The following ATG16L2 variants were observed in gnomAD, a reference collection of about 807,000 sequenced individuals.
ATG16L2 encodes autophagy related 16 like 2, also known as protein Atg16l2.
A neutral mutation model predicts 84.7 loss-of-function variants in ATG16L2; 77 were observed. That is an observed-to-expected ratio of 0.91 (90% confidence interval 0.76 to 1.10). The LOEUF is 1.10. ATG16L2 is among the 50% of genes least tolerant of loss of function. The pLI, the probability that ATG16L2 is intolerant of heterozygous loss-of-function variation, is 0.00. For synonymous variants in ATG16L2, 361 were observed against 342.8 expected (o/e 1.05, Z -0.59); for missense variants, 782 against 817.6 (o/e 0.96, Z 0.53).
intron 3 of ATG16L2, chr11:72,818,076 G>C: frequency 9.0e-6 from 5 of 556,766 alleles, no homozygotes; most frequent in Non-Finnish European, 1.6e-5. Context: ...GAGGGAGTTA[G>C]GTGTGCAAGG....
Position 72,824,080 on chromosome 11 carries a change from T to C in ATG16L2, c.845T>C (p.Leu282Pro). ...RPFRSASATSLTLSHCVDVVK... is the reference protein window; with the variant it reads ...RPFRSASATSPTLSHCVDVVK... The stretch of plus-strand genomic sequence containing the variant: ...CTCAGGTCTGCCTCAGCCACCTCCC[T>C]GACGCTGTCCCACTGTGTGGATGTG... The change falls in exon 8 of 18, where the codon CTG becomes CCG. Residue 282 changes from leucine (L) to proline (P), a missense_variant. Physicochemically the swap from Leu to Pro is moderately conservative, Grantham distance 98 (BLOSUM62 -3). Transcript: ENST00000321297. 2 of 1,614,230 alleles carry C rather than the reference T, an allele frequency of 1.2e-6. No homozygotes were observed. The highest frequency in any genetic ancestry group is 2.2e-5 in the East Asian group (1 of 44,888).
At chr11:72,842,492 GAC>G in intron 5 of ATG16L2, 1 of 1,101,942 alleles carries the variant, frequency 9.1e-7, no homozygotes, top group Non-Finnish European at 1.3e-6. Flanking sequence ...CAGTTGTGCA[GAC>G]ACTGGCAACC....
chr11:72,835,891 G>C (rs937326911), intron 5 of ATG16L2, among the ~76,000 whole-genome samples: 2 of 152,040 alleles, frequency 1.3e-5, no homozygotes, highest in Non-Finnish European at 2.9e-5. Flanking sequence ...TGGGATTACA[G>C]GCATGAGCTA....
chr11:72,841,340 C>CAAAAAAAAAAAAA (rs59748827), intron 5 of ATG16L2: 2 of 373,862 alleles, frequency 5.3e-6, no homozygotes, highest in Non-Finnish European at 4.1e-6. Context: ...ACTCTGTCTC[C>CAAAAAAAAAAAAA]AAAAAAAAAA....
intron 5 of ATG16L2, chr11:72,841,595 G>A (rs776933053): frequency 1.9e-6 from 3 of 1,592,822 alleles, no homozygotes; most frequent in East Asian, 2.2e-5. Context: ...TGCAGCAAAG[G>A]GAAGCGAGGT....
intron 5 of ATG16L2, among the ~76,000 whole-genome samples, chr11:72,835,124 G>A (rs567402996): frequency 6.6e-6 from 1 of 152,320 alleles, no homozygotes; most frequent in African/African-American, 2.4e-5. Flanking sequence ...TAGCTATGAC[G>A]CTGGGGTGAG....
chr11:72,821,308 C>CGAG (rs1429813378), intron 3 of ATG16L2: 4 of 1,046,104 alleles, frequency 3.8e-6, no homozygotes, highest in Non-Finnish European at 4.6e-6. Flanking sequence ...AGCCTCTGCG[C>CGAG]GAGGAGTCCT....
At chr11:72,828,852 C>T (rs762638642) in intron 16 of ATG16L2, 31 bp from the exon 17 acceptor site, 1 of 1,614,032 alleles carries the variant, frequency 6.2e-7, no homozygotes, top group Non-Finnish European at 8.5e-7. Context: ...CTCTGACCCC[C>T]CGTTTTCTTG....
intron 5 of ATG16L2, chr11:72,836,704 T>C (rs1158632872): frequency 6.6e-6 from 1 of 152,634 alleles, no homozygotes. Context: ...TTTGGAAAGG[T>C]CTGTTTACCC....
At chr11:72,819,487 A>C (rs1046172547) in intron 3 of ATG16L2, among the ~76,000 whole-genome samples, 1 of 152,226 alleles carries the variant, frequency 6.6e-6, no homozygotes, top group Non-Finnish European at 1.5e-5. Context: ...TAGAAGCCAT[A>C]GAGTAAAAAG....
intron 8 of ATG16L2, 23 bp from the exon 9 acceptor site, chr11:72,824,711 G>GACCCCAACCCACCTT: frequency 6.3e-7 from 1 of 1,599,054 alleles, no homozygotes. Flanking sequence ...ATGCCCTCCT[G>GACCCCAACCCACCTT]ACCCCAACCC....
At chr11:72,832,582 C>T (rs898973992), downstream of ATG16L2, among the ~76,000 whole-genome samples, 1 of 152,240 alleles carries the variant, frequency 6.6e-6, no homozygotes, top group Non-Finnish European at 1.5e-5. Context: ...TTGACAGCTC[C>T]TCCAGGCTCT....
chr11:72,814,522 A>G lies in ATG16L2; in HGVS notation c.77A>G (p.Asp26Gly). Residue 26 changes from aspartate to glycine, a missense_variant, in exon 1 of 18, where the codon GAC (aspartate) becomes GGC (glycine). Coordinates refer to ENST00000321297, the MANE Select transcript of ATG16L2 (RefSeq NM_033388.2). ...RHIVRQLRLR[D>G]RTQKALFLEL... ...ATCGTGCGGCAGCTGCGGCTTCGGG[A>G]CCGTACGCAAAAGGCGCTTTTCCTG... 6.4e-7 allele frequency: 1 copy of G among 1,566,254 alleles called. No homozygotes were observed. The highest frequency in any genetic ancestry group is 1.8e-5 in the Admixed American group (1 of 54,132).
chr11:72,826,466 A>C, intron 11 of ATG16L2, 52 bp from the exon 12 acceptor site: 1 of 1,608,240 alleles, frequency 6.2e-7, no homozygotes, highest in South Asian at 1.1e-5. Context: ...CTGTGGCCCG[A>C]AGAATGTTGC....
intron 1 of ATG16L2, among the ~76,000 whole-genome samples, chr11:72,814,843 C>CA (rs1859612242): frequency 6.6e-6 from 1 of 152,200 alleles, no homozygotes; most frequent in African/African-American, 2.4e-5. Flanking sequence ...AGTGCGTCCT[C>CA]GGGTGTTGGT....
chr11:72,822,595 C>T lies in ATG16L2; in HGVS notation c.710+52C>T. ...CCCTTGCGTTCTGCCTCCCGCCCCG[C>T]CTGCCTGCGGCGACCCAGGCTGCCG... On this transcript the variant is annotated intron_variant, in intron 6 of 17. Transcript: ENST00000321297. This position sits in a 1 kb window ranked among gnomAD's most constrained non-coding sequence, Gnocchi z 4.2. 1.9e-6 allele frequency: 3 copies of T among 1,594,628 alleles called. No individual in the cohort carries two copies. The highest frequency in any genetic ancestry group is 1.3e-5 in the African/African-American group (1 of 74,358).
At position 72,824,138 on chromosome 11, in the gene ATG16L2, C is replaced by T. The variant is rs780155191; in HGVS notation, c.887+16C>T. 1 of 1,613,724 alleles carries T rather than the reference C, an allele frequency of 6.2e-7. No individual in the cohort carries two copies. Among genetic ancestry groups the T allele is most frequent in the South Asian group, 1.1e-5 (1 of 91,086 alleles). On this transcript the variant is annotated intron_variant, in intron 8 of 17. Coordinates refer to ENST00000321297, the MANE Select transcript of ATG16L2 (RefSeq NM_033388.2). ...GGCTTCTGGAGTAAGTGTGTGTGTG[C>T]CTGTGTGTGCACCCACGTGTGTGTC...
At chr11:72,828,326 T>C (rs577942206) in intron 14 of ATG16L2, 33 bp from the exon 15 acceptor site, 94 of 1,612,996 alleles carry the variant, frequency 5.8e-5, no homozygotes, top group Non-Finnish European at 7.5e-5. Context: ...GGCTAGGCTG[T>C]TCCTCATCCC....
At chr11:72,821,422 G>T in intron 3 of ATG16L2, 2 of 1,326,072 alleles carry the variant, frequency 1.5e-6, no homozygotes, top group Non-Finnish European at 1.9e-6. Flanking sequence ...TAGTAGGGTC[G>T]CAGAGAAACG....
Sources: gnomAD v4.1 joint callset for allele counts (sites outside exome capture counted in the v4.1 genomes callset) on GRCh38, gnomAD v4.1.1 for gene constraint, Gnocchi (gnomAD v3.1) non-coding constraint, MANE v1.5 for transcripts, NCBI Gene and HGNC (gene_info 2026-07-23, HGNC 2026-07-21) for gene names.